Variants in COL14A1 observed in about 807,000 individuals in gnomAD.
The protein encoded by COL14A1 is collagen type XIV alpha 1 chain, also known as collagen alpha-1(XIV) chain.
A neutral mutation model predicts 230.3 loss-of-function variants in COL14A1; 136 were observed. The observed-to-expected ratio is 0.59, with a 90% CI of 0.51 to 0.68. COL14A1 has a LOEUF of 0.68. Among genes scored for constraint, COL14A1 ranks in the 30% least tolerant of loss-of-function variants. The pLI is 0.00. For synonymous variants in COL14A1, 792 were observed against 784.1 expected (o/e 1.01, Z -0.17); for missense variants, 1,976 against 2,215.8 (o/e 0.89, Z 2.17).
At chr8:120,185,949 T>C (rs1472006714) in intron 5 of COL14A1, among the ~76,000 whole-genome samples, 1 of 152,118 alleles carries the variant, frequency 6.6e-6, no homozygotes. Flanking sequence ...ATTTTTTGTA[T>C]TTTTAGTAGA....
At chr8:120,309,198 G>A (rs1479549280) in intron 36 of COL14A1, among the ~76,000 whole-genome samples, 2 of 152,206 alleles carry the variant, frequency 1.3e-5, no homozygotes, top group African/African-American at 4.8e-5. Flanking sequence ...GCCTCCCAAA[G>A]TGCTGGGATT....
intron 1 of COL14A1, among the ~76,000 whole-genome samples, chr8:120,133,248 CTG>C (rs1211566611): frequency 6.7e-6 from 1 of 150,152 alleles, no homozygotes; most frequent in Non-Finnish European, 1.5e-5. Flanking sequence ...AAAAAAATAA[CTG>C]TTCCAAAGTA....
intron 26 of COL14A1, 57 bp from the exon 27 acceptor site, chr8:120,278,054 C>T: frequency 6.8e-7 from 1 of 1,475,634 alleles, no homozygotes; most frequent in Non-Finnish European, 9.0e-7. Flanking sequence ...TGCTGTTGCT[C>T]TCTGACCCAG....
At chr8:120,188,393 T>C (rs1405457179) in intron 5 of COL14A1, among the ~76,000 whole-genome samples, 3 of 152,194 alleles carry the variant, frequency 2.0e-5, no homozygotes, top group Admixed American at 6.5e-5. Flanking sequence ...TAACATTTAA[T>C]ATAATAATGT....
chr8:120,145,573 C>T (rs7813049), intron 1 of COL14A1, among the ~76,000 whole-genome samples: 1,580 of 152,316 alleles, frequency 0.01, 28 homozygotes, highest in African/African-American at 0.036. Flanking sequence ...GAGCAGATCG[C>T]ACCGTTGCAC....
chr8:120,238,748 G>A (rs1563690099), intron 19 of COL14A1, among the ~76,000 whole-genome samples: 2 of 152,202 alleles, frequency 1.3e-5, no homozygotes, highest in Non-Finnish European at 2.9e-5. Flanking sequence ...AGGCACCCAA[G>A]GGAATCTCCT....
At chr8:120,338,618 G>C (rs1011514899) in intron 42 of COL14A1, among the ~76,000 whole-genome samples, 4 of 152,160 alleles carry the variant, frequency 2.6e-5, no homozygotes, top group African/African-American at 9.7e-5. Context: ...AATCTTATAG[G>C]AGTGTTATAA....
intron 1 of COL14A1, among the ~76,000 whole-genome samples, chr8:120,134,632 A>G (rs1682800767): frequency 2.0e-5 from 3 of 152,204 alleles, no homozygotes; most frequent in South Asian, 4.1e-4. Context: ...TTTATCATAT[A>G]TGATGGAAAA....
Position 120,270,123 on chromosome 8 carries a change from T to C in COL14A1, c.3162T>C (p.Phe1054=), listed in dbSNP as rs1480764037. The change falls in exon 26 of 48, where the codon TTT becomes TTC. Residue 1054 remains phenylalanine (F), a synonymous_variant. Coordinates refer to ENST00000297848, the MANE Select transcript of COL14A1 (RefSeq NM_021110.4). Reference sequence around the variant, plus strand: ...AAAATTTCAATAAGATCATCAGCTTTCTATACAGCACTGTTGGAGCCCTGA... The same window carrying C: ...AAAATTTCAATAAGATCATCAGCTTCCTATACAGCACTGTTGGAGCCCTGA... ...GDENFNKIIS[F]LYSTVGALNK... is the part of the protein sequence containing the mutation. 2 of 1,611,558 alleles carry C rather than the reference T, an allele frequency of 1.2e-6. No homozygotes were observed. Among genetic ancestry groups the C allele is most frequent in the Non-Finnish European group, 1.7e-6 (2 of 1,178,452 alleles).
At chr8:120,182,434 G>A (rs771065493) in intron 5 of COL14A1, among the ~76,000 whole-genome samples, 5 of 152,126 alleles carry the variant, frequency 3.3e-5, no homozygotes, top group South Asian at 4.1e-4. Context: ...GGATTGGTTC[G>A]TTATTAATGA....
intron 9 of COL14A1, 38 bp from the exon 10 acceptor site, chr8:120,206,905 T>C (rs1817451264): frequency 1.3e-6 from 2 of 1,549,762 alleles, no homozygotes; most frequent in East Asian, 2.3e-5. Context: ...GAAATAACTT[T>C]GGGTAAGAGG....
At chr8:120,130,145 C>T (rs1246843984) in intron 1 of COL14A1, among the ~76,000 whole-genome samples, 1 of 152,196 alleles carries the variant, frequency 6.6e-6, no homozygotes, top group Admixed American at 6.5e-5. Context: ...TGTCAATAAG[C>T]GCACTGTTCA....
At chr8:120,243,159 G>T (rs1818656417) in intron 19 of COL14A1, among the ~76,000 whole-genome samples, 1 of 152,224 alleles carries the variant, frequency 6.6e-6, no homozygotes, top group Non-Finnish European at 1.5e-5. Context: ...GATTCTTTTC[G>T]AGGTGGCAGA....
At position 120,162,484 on chromosome 8, in the gene COL14A1, C is replaced by A. The variant is rs780764836; in HGVS notation, c.264C>A (p.Gly88=). ...CTGCAACTAAAGCAATTATTCAAGG[C>A]CTTATGCCAGACCAGAATTACACAG... ...QNTATKAIIQ[G]LMPDQNYTVQ... The change falls in exon 4 of 48, where the codon GGC becomes GGA. Residue 88 remains glycine, a synonymous_variant. Transcript: ENST00000297848. The A allele has an allele frequency of 3.7e-6, 6 of 1,612,636 alleles. No individual in the cohort carries two copies. The highest frequency in any genetic ancestry group is 2.2e-5 in the South Asian group (2 of 90,704).
chr8:120,319,596 C>T (rs574184998), intron 40 of COL14A1, among the ~76,000 whole-genome samples: 1 of 152,178 alleles, frequency 6.6e-6, no homozygotes, highest in East Asian at 1.9e-4. Flanking sequence ...CAATAGTACC[C>T]CTGAATTTAG....
intron 4 of COL14A1, among the ~76,000 whole-genome samples, chr8:120,162,772 C>T (rs1164716156): frequency 6.6e-6 from 1 of 152,142 alleles, no homozygotes; most frequent in African/African-American, 2.4e-5. Context: ...TTGCTATATT[C>T]TTACTTATCC....
intron 21 of COL14A1, among the ~76,000 whole-genome samples, chr8:120,250,369 G>C (rs908901462): frequency 1.3e-5 from 2 of 152,168 alleles, no homozygotes; most frequent in Non-Finnish European, 1.5e-5. Flanking sequence ...CTGTGAGGTG[G>C]ACCAATTTCT....
chr8:120,310,518 G>A (rs911815176), intron 37 of COL14A1, among the ~76,000 whole-genome samples: 5 of 152,138 alleles, frequency 3.3e-5, no homozygotes, highest in African/African-American at 1.2e-4. Context: ...ACTGCCCAGG[G>A]TCATCAAATG....
Position 120,280,029 on chromosome 8 carries a change from G to A in COL14A1, c.3576G>A (p.Val1192=), listed in dbSNP as rs1819988987. ...SKPSARHVFF[V]DDFDAFKKIE... ...CCAGCGCACGCCATGTCTTCTTTGTGGATGACTTTGACGCCTTTAAGAAAA... is the reference window on the plus strand; with the variant it reads ...CCAGCGCACGCCATGTCTTCTTTGTAGATGACTTTGACGCCTTTAAGAAAA... The change falls in exon 29 of 48, where the codon GTG becomes GTA. Residue 1192 remains valine, a synonymous_variant. Coordinates refer to ENST00000297848, the MANE Select transcript of COL14A1 (RefSeq NM_021110.4). The A allele has an allele frequency of 6.2e-7, 1 of 1,613,744 alleles. No individual in the cohort carries two copies. The highest frequency in any genetic ancestry group is 1.7e-5 in the Admixed American group (1 of 59,946).
Sources: allele counts gnomAD v4.1 joint callset (sites outside exome capture counted in the v4.1 genomes callset), GRCh38; gene constraint gnomAD v4.1.1; transcripts MANE v1.5; gene names NCBI Gene and HGNC (gene_info 2026-07-23, HGNC 2026-07-21).